Variants in TPD52 observed in about 807,000 individuals in gnomAD.
The protein encoded by TPD52 is prostate and colon associated protein.
In TPD52, 17 loss-of-function variants were observed where a neutral mutation model predicts 31.3. The ratio of observed to expected loss-of-function variants is 0.54; its 90% CI spans 0.37 to 0.82. TPD52 has a LOEUF of 0.82. Among genes scored for constraint, TPD52 ranks in the 40% least tolerant of loss-of-function variants. TPD52 has a pLI of 0.00. For missense variants in TPD52, 212 were observed against 240.1 expected (o/e 0.88, Z 0.77); for synonymous variants, 83 against 89.6 (o/e 0.93, Z 0.42).
chr8:80,077,652 T>G (rs1231452132), intron 1 of TPD52, among the ~76,000 whole-genome samples: 1 of 152,226 alleles, frequency 6.6e-6, no homozygotes, highest in Admixed American at 6.5e-5. Context: ...CTAACTAAAC[T>G]TTGTGAGTTG....
intron 1 of TPD52, among the ~76,000 whole-genome samples, chr8:80,065,210 C>A (rs1812984130): frequency 6.6e-6 from 1 of 151,652 alleles, no homozygotes; most frequent in African/African-American, 2.4e-5. Context: ...TGGTCTTGAA[C>A]TCCTGGCTTC....
At chr8:80,163,886 G>A (rs1326961640) in intron 1 of TPD52, among the ~76,000 whole-genome samples, 3 of 151,696 alleles carry the variant, frequency 2.0e-5, no homozygotes, top group East Asian at 3.9e-4. Context: ...TTAATGATGT[G>A]GTAAAATTCT....
chr8:80,072,317 A>ATGTGTGTGTGTGTGTGTGTG lies in TPD52; in HGVS notation c.20-7744_20-7725dup, dbSNP rs146024001. ...GAGAGACTCCATCTAAAAAACATAT[A>ATGTGTGTGTGTGTGTGTGTG]TGTGTGTGTGTGTGTGTGTGTGTGT... On this transcript the variant is annotated intron_variant, in intron 1 of 7. Coordinates refer to ENST00000518937, the MANE Select transcript of TPD52 (RefSeq NM_001025253.3). Among the ~76,000 whole-genome samples the ATGTGTGTGTGTGTGTGTGTG allele has an allele frequency of 9.6e-4, 117 of 121,350 alleles. 3 individuals carry two copies. Among genetic ancestry groups the ATGTGTGTGTGTGTGTGTGTG allele is most frequent in the Non-Finnish European group, 1.5e-3 (89 of 59,082 alleles). 79.6% of individuals were successfully genotyped at this position (121,350 alleles called of 152,430 possible). A position where few individuals can be genotyped will look rare whatever the true frequency, so the allele number is the denominator to read the frequency against.
intron 4 of TPD52, 138 bp from the exon 5 acceptor site, chr8:80,050,609 T>C (rs972568778): frequency 9.9e-6 from 7 of 710,532 alleles, no homozygotes; most frequent in African/African-American, 1.8e-5. Flanking sequence ...ATAGAGAAAA[T>C]GAACACCTAA....
chr8:80,104,229 A>C (rs1806940769), intron 1 of TPD52, among the ~76,000 whole-genome samples: 1 of 152,196 alleles, frequency 6.6e-6, no homozygotes, highest in African/African-American at 2.4e-5. Flanking sequence ...TATCCAAGTT[A>C]TTCTTTGGTC....
chr8:80,158,666 G>A (rs894768462), intron 1 of TPD52: 8 of 151,576 alleles, frequency 5.3e-5, no homozygotes, highest in African/African-American at 1.9e-4. Context: ...AGTAGGCCGG[G>A]CGCGGTGGCT....
At chr8:80,113,774 A>G (rs1176216063) in intron 1 of TPD52, among the ~76,000 whole-genome samples, 2 of 152,220 alleles carry the variant, frequency 1.3e-5, no homozygotes, top group Non-Finnish European at 2.9e-5. Flanking sequence ...TATATCCTCA[A>G]AAGGCTAAAA....
intron 7 of TPD52, among the ~76,000 whole-genome samples, chr8:80,041,981 C>T (rs1307741257): frequency 4.6e-5 from 7 of 151,622 alleles, no homozygotes; most frequent in South Asian, 2.1e-4. Flanking sequence ...CCCAGCTACT[C>T]GGGAGGCTGA....
chr8:80,126,173 A>G (rs1808583752), intron 1 of TPD52, among the ~76,000 whole-genome samples: 1 of 152,160 alleles, frequency 6.6e-6, no homozygotes, highest in Non-Finnish European at 1.5e-5. Context: ...GCTCCAATTA[A>G]TTTCTGAAAA....
At chr8:80,107,508 G>A (rs1049998946) in intron 1 of TPD52, among the ~76,000 whole-genome samples, 2 of 152,128 alleles carry the variant, frequency 1.3e-5, no homozygotes, top group African/African-American at 4.8e-5. Flanking sequence ...AGGACCTTTG[G>A]ACTACTTTTA....
intron 1 of TPD52, among the ~76,000 whole-genome samples, chr8:80,075,171 G>C (rs959967955): frequency 1.3e-5 from 2 of 152,018 alleles, no homozygotes; most frequent in African/African-American, 4.8e-5. Flanking sequence ...GTAGAGACAG[G>C]GTTCACCATG....
chr8:80,136,523 C>CAAAAAAA (rs56656428), intron 1 of TPD52, among the ~76,000 whole-genome samples: 16 of 67,096 alleles, frequency 2.4e-4, no homozygotes, highest in Non-Finnish European at 4.2e-4. Flanking sequence ...GACTCTGTCT[C>CAAAAAAA]AAAAAAAAAA....
intron 1 of TPD52, among the ~76,000 whole-genome samples, chr8:80,106,718 A>G (rs1807145906): frequency 6.7e-6 from 1 of 149,382 alleles, no homozygotes; most frequent in African/African-American, 2.5e-5. Flanking sequence ...TCATGTGGAT[A>G]GGACATGAGG....
intron 1 of TPD52, among the ~76,000 whole-genome samples, chr8:80,121,473 TCTTA>T (rs943297356): frequency 6.6e-6 from 1 of 152,232 alleles, no homozygotes; most frequent in African/African-American, 2.4e-5. Flanking sequence ...TTAGGGTTAC[TCTTA>T]CTTAATGCAG....
chr8:80,094,448 A>ATATATATT (rs1274561419), intron 1 of TPD52, among the ~76,000 whole-genome samples: 17 of 59,086 alleles, frequency 2.9e-4, no homozygotes, highest in African/African-American at 1.1e-3. Flanking sequence ...ATATATATAT[A>ATATATATT]TATATATATA....
chr8:80,064,145 G>A (rs533119659), intron 2 of TPD52, among the ~76,000 whole-genome samples: 1 of 152,256 alleles, frequency 6.6e-6, no homozygotes, highest in African/African-American at 2.4e-5. Flanking sequence ...GCCAAGGGTA[G>A]AACAAAGTCA....
At chr8:80,103,288 T>G (rs1806876519) in intron 1 of TPD52, among the ~76,000 whole-genome samples, 1 of 152,186 alleles carries the variant, frequency 6.6e-6, no homozygotes, top group Non-Finnish European at 1.5e-5. Context: ...AACAGTAAAC[T>G]GAAACTAGAA....
intron 1 of TPD52, among the ~76,000 whole-genome samples, chr8:80,150,300 G>A (rs1427548538): frequency 2.6e-5 from 4 of 152,228 alleles, no homozygotes; most frequent in Non-Finnish European, 2.9e-5. Flanking sequence ...GTGTGGAAAC[G>A]CCTGGATGTC....
At chr8:80,117,709 A>G (rs996728817) in intron 1 of TPD52, among the ~76,000 whole-genome samples, 2 of 149,370 alleles carry the variant, frequency 1.3e-5, no homozygotes, top group Non-Finnish European at 3.0e-5. Flanking sequence ...AACTTAGAGG[A>G]CTCATGCTTT....
Sources: gnomAD v4.1 joint callset for allele counts (sites outside exome capture counted in the v4.1 genomes callset) on GRCh38, gnomAD v4.1.1 for gene constraint, MANE v1.5 for transcripts, NCBI Gene and HGNC (gene_info 2026-07-23, HGNC 2026-07-21) for gene names.